ZNF596: variants seen among roughly 807,000 people sequenced by gnomAD.
The protein encoded by ZNF596 is zinc finger protein 596.
In ZNF596, 45 loss-of-function variants were observed where a neutral mutation model predicts 48.3. The ratio of observed to expected loss-of-function variants is 0.93; its 90% CI spans 0.73 to 1.19. The LOEUF is 1.19. Ranked by LOEUF, ZNF596 falls within the 50% of genes most tolerant of loss-of-function variation. The pLI is 0.00. For missense variants in ZNF596, 848 were observed against 599.7 expected, an observed-to-expected ratio of 1.41 and a Z score of -4.32; for synonymous variants, 270 against 202.0, an observed-to-expected ratio of 1.34 and a Z score of -2.85.
chr8:232,826 C>T (rs1796464946), intron 1 of ZNF596, 132 bp downstream of exon 1: 1 of 440,786 alleles, frequency 2.3e-6, no homozygotes. Flanking sequence ...TCCGCCAGGC[C>T]CTACGTCTCC....
Position 246,508 on chromosome 8 carries a change from A to C in ZNF596, c.*146A>C, listed in dbSNP as rs1173563249. On this transcript the variant is annotated 3_prime_UTR_variant, in exon 6 of 6. Coordinates refer to ENST00000398612, the MANE Select transcript of ZNF596 (RefSeq NM_001042416.3). ...TGAATTCAAGGTAGAGAGAATCCAG[A>C]TGTATTTAATGTTTATGGCACAAAC... 9.8e-7 allele frequency: 1 copy of C among 1,022,962 alleles called. No homozygotes were observed. Among genetic ancestry groups the C allele is most frequent in the Non-Finnish European group, 1.4e-6 (1 of 726,202 alleles). The allele number at this position is 1,022,962 out of a possible 1,614,324, so 63.4% of individuals were successfully genotyped here.
At position 245,260 on chromosome 8, in the gene ZNF596, A is replaced by C; in HGVS notation, c.413A>C (p.His138Pro). The change falls in exon 6 of 6, where the codon CAC becomes CCC. Residue 138 changes from histidine to proline, a missense_variant. By Grantham distance (77) the His-to-Pro change is moderately conservative. Coordinates refer to ENST00000398612, the MANE Select transcript of ZNF596 (RefSeq NM_001042416.3). ...QNVITYMRTK[H>P]FVSKKFGKIF... ...GTGATTACCTACATGAGAACGAAAC[A>C]CTTTGTAAGCAAAAAGTTTGGGAAA... 6.2e-7 allele frequency: 1 copy of C among 1,614,090 alleles called. No homozygotes were observed. Among genetic ancestry groups the C allele is most frequent in the Non-Finnish European group, 8.5e-7 (1 of 1,180,012 alleles).
At chr8:240,053 G>C (rs1038721909) in intron 1 of ZNF596, among the ~76,000 whole-genome samples, 4 of 152,202 alleles carry the variant, frequency 2.6e-5, no homozygotes, top group African/African-American at 9.7e-5. Context: ...GAAATTACAA[G>C]GGTTTTGGGT....
intron 2 of ZNF596, among the ~76,000 whole-genome samples, chr8:242,213 G>C (rs190802967): frequency 2.0e-5 from 3 of 152,180 alleles, no homozygotes; most frequent in South Asian, 2.1e-4. Context: ...GGCTTGTGCT[G>C]CTGAGCCATT....
chr8:243,458 C>G, intron 3 of ZNF596: 1 of 366,588 alleles, frequency 2.7e-6, no homozygotes, highest in Non-Finnish European at 5.0e-6. Context: ...TAATTTCTCA[C>G]TAAGTGAAAA....
intron 1 of ZNF596, among the ~76,000 whole-genome samples, chr8:238,762 G>C (rs530038175): frequency 6.6e-6 from 1 of 151,576 alleles, no homozygotes; most frequent in African/African-American, 2.4e-5. Context: ...AGCTGGTATC[G>C]TGCCGTTGCA....
intron 4 of ZNF596, 143 bp from the exon 5 acceptor site, chr8:244,476 C>G (rs1229266292): frequency 2.0e-5 from 13 of 660,682 alleles, no homozygotes; most frequent in Non-Finnish European, 5.3e-6. Flanking sequence ...TGCTATAATA[C>G]TCTTCTCCTT....
Position 247,059 on chromosome 8 carries a change from G to A in ZNF596, c.*697G>A, listed in dbSNP as rs532768253. 2 of 152,154 alleles carry A rather than the reference G, an allele frequency of 1.3e-5. No individual in the cohort carries two copies. Among genetic ancestry groups the A allele is most frequent in the Admixed American group, 1.3e-4 (2 of 15,276 alleles). The allele number at this position is 152,154 out of a possible 1,614,324, so 9.4% of individuals were successfully genotyped here. A position where few individuals can be genotyped will look rare whatever the true frequency, so the allele number is the denominator to read the frequency against. The stretch of plus-strand genomic sequence containing the variant: ...GTCAATACCAGCATTTTTCCAGTGA[G>A]AAAACTATCTTGACAGGATAGTGGA... On this transcript the variant is annotated 3_prime_UTR_variant, in exon 6 of 6. Transcript: ENST00000398612.
intron 2 of ZNF596, among the ~76,000 whole-genome samples, chr8:241,928 A>T (rs1273573794): frequency 2.0e-5 from 3 of 152,176 alleles, no homozygotes; most frequent in Non-Finnish European, 4.4e-5. Context: ...AAATCAGGAA[A>T]TGCCACACAC....
chr8:243,375 C>T, intron 3 of ZNF596: 1 of 284,822 alleles, frequency 3.5e-6, no homozygotes, highest in East Asian at 7.1e-5. Flanking sequence ...CTGCACAGAA[C>T]CTAGATTGTT....
chr8:233,414 T>C, intron 1 of ZNF596: 1 of 288,962 alleles, frequency 3.5e-6, no homozygotes, highest in South Asian at 3.5e-5. Flanking sequence ...TAATTGTATA[T>C]TGAAAATACT....
Position 244,664 on chromosome 8 carries a change from A to G in ZNF596, c.269A>G (p.His90Arg), listed in dbSNP as rs1796990566. Residue 90 changes from histidine to arginine, a missense_variant, in exon 5 of 6, where the codon CAT (histidine) becomes CGT (arginine). His to Arg is a conservative substitution (Grantham distance 29). Transcript: ENST00000398612. ...CATCAAGAGATACCATTCATTCAAC[A>G]TATCTATCAGAAGGGCACGTCCACC... ...IKHQEIPFIQ[H>R]IYQKGTSTIS... The G allele has an allele frequency of 2.5e-6, 4 of 1,613,450 alleles. No individual in the cohort carries two copies. The highest frequency in any genetic ancestry group is 1.7e-5 in the Admixed American group (1 of 59,924).
chr8:246,257 T>C lies in ZNF596; in HGVS notation c.1410T>C (p.Thr470=), dbSNP rs1797083968. The change falls in exon 6 of 6, where the codon ACT becomes ACC. Residue 470 remains threonine, a synonymous_variant. Transcript: ENST00000398612. Reference sequence around the variant, plus strand: ...TTAGACTTCATAGAAGAGTTCACACTGGAGAGAAACCATATGTATGTCCTC... The same window carrying C: ...TTAGACTTCATAGAAGAGTTCACACCGGAGAGAAACCATATGTATGTCCTC... ...YNFRLHRRVH[T]GEKPYVCPLC... is the part of the protein sequence containing the mutation. The C allele has an allele frequency of 6.2e-7, 1 of 1,613,246 alleles. No homozygotes were observed.
chr8:234,182 A>G (rs1796535139), intron 1 of ZNF596, among the ~76,000 whole-genome samples: 1 of 152,220 alleles, frequency 6.6e-6, no homozygotes, highest in African/African-American at 2.4e-5. Flanking sequence ...AGCCTTGCCC[A>G]TTCTCACCCA....
In ZNF596 at chr8:246,088, C is replaced by G; in HGVS notation, c.1241C>G (p.Thr414Ser). The G allele has an allele frequency of 1.2e-6, 2 of 1,613,450 alleles. No homozygotes were observed. Among genetic ancestry groups the G allele is most frequent in the Non-Finnish European group, 1.7e-6 (2 of 1,179,472 alleles). ...SDLRRHERTH[T>S]GEKPYECHLC... The stretch of plus-strand genomic sequence containing the variant: ...CTCAGACGACATGAGAGAACTCACA[C>G]TGGAGAAAAACCATATGAATGCCAT... The change falls in exon 6 of 6, where the codon ACT becomes AGT. Residue 414 changes from threonine to serine, a missense_variant. Thr to Ser is a moderately conservative substitution (Grantham distance 58, BLOSUM62 1). Transcript: ENST00000398612.
At chr8:235,140 G>T (rs1796571353) in intron 1 of ZNF596, among the ~76,000 whole-genome samples, 1 of 152,188 alleles carries the variant, frequency 6.6e-6, no homozygotes, top group South Asian at 2.1e-4. Flanking sequence ...CCACACGATG[G>T]AGTGTGTTTT....
At chr8:235,634 T>A (rs1796587793) in intron 1 of ZNF596, among the ~76,000 whole-genome samples, 1 of 152,224 alleles carries the variant, frequency 6.6e-6, no homozygotes, top group South Asian at 2.1e-4. Flanking sequence ...GATGCTATTT[T>A]ATATTCTGTA....
intron 4 of ZNF596, 61 bp from the exon 5 acceptor site, chr8:244,558 T>G: frequency 8.7e-7 from 1 of 1,144,308 alleles, no homozygotes; most frequent in East Asian, 2.4e-5. Context: ...GCTTTGGAGC[T>G]ATTTAACATT....
chr8:239,129 A>C (rs553977829), intron 1 of ZNF596, among the ~76,000 whole-genome samples: 5 of 152,246 alleles, frequency 3.3e-5, no homozygotes, highest in Non-Finnish European at 7.4e-5. Flanking sequence ...TAGAAAAAGA[A>C]TTTTTTAAAA....
Sources: allele counts gnomAD v4.1 joint callset (sites outside exome capture counted in the v4.1 genomes callset), GRCh38; gene constraint gnomAD v4.1.1; transcripts MANE v1.5; gene names NCBI Gene and HGNC (gene_info 2026-07-23, HGNC 2026-07-21).